The following KPNA1 variants were observed in gnomAD, a reference collection of about 807,000 sequenced individuals.
The protein encoded by KPNA1 is importin subunit alpha-5.
A neutral mutation model predicts 70.5 loss-of-function variants in KPNA1; 10 were observed. The ratio of observed to expected loss-of-function variants is 0.14; its 90% CI spans 0.09 to 0.24. KPNA1 has a LOEUF of 0.24. Ranked by LOEUF, KPNA1 falls within the 10% of genes least tolerant of loss-of-function variation. KPNA1 has a pLI of 1.00. For missense variants in KPNA1, 397 were observed against 637.9 expected (o/e 0.62, Z 4.07); for synonymous variants, 192 against 221.9 (o/e 0.87, Z 1.20).
chr3:122,437,415 CTT>C, intron 10 of KPNA1, 120 bp from the exon 11 acceptor site: 1 of 672,196 alleles, frequency 1.5e-6, no homozygotes, highest in Non-Finnish European at 2.4e-6. Flanking sequence ...AAATAAGTAA[CTT>C]TATACAGGTA....
intron 2 of KPNA1, 87 bp downstream of exon 2, chr3:122,496,350 C>CACACACACACA: frequency 3.3e-5 from 19 of 569,536 alleles, no homozygotes; most frequent in East Asian, 6.3e-5. Context: ...ACACACACAC[C>CACACACACACA]CCAACTTTGC....
At chr3:122,509,609 G>T (rs759473330) in intron 1 of KPNA1, among the ~76,000 whole-genome samples, 3 of 152,002 alleles carry the variant, frequency 2.0e-5, no homozygotes, top group Non-Finnish European at 4.4e-5. Flanking sequence ...ACCTTTGCAA[G>T]GTCTATAACA....
At chr3:122,471,761 C>T (rs188967658) in intron 2 of KPNA1, among the ~76,000 whole-genome samples, 2 of 152,158 alleles carry the variant, frequency 1.3e-5, no homozygotes, top group Admixed American at 1.3e-4. Context: ...CGCCCCTGCA[C>T]TCCAGCCTGG....
intron 2 of KPNA1, among the ~76,000 whole-genome samples, chr3:122,475,913 T>C (rs900158220): frequency 6.6e-6 from 1 of 152,034 alleles, no homozygotes; most frequent in Non-Finnish European, 1.5e-5. Flanking sequence ...CATCTTCAAG[T>C]TGAGTAAGCT....
chr3:122,489,303 T>G (rs80007704), intron 2 of KPNA1, among the ~76,000 whole-genome samples: 35,418 of 151,426 alleles, frequency 0.23, 4,391 homozygotes, highest in Non-Finnish European at 0.27. Flanking sequence ...TTGTTTGTTT[T>G]TTTTTTAAGA....
At chr3:122,500,341 C>CA (rs1424595362) in intron 1 of KPNA1, among the ~76,000 whole-genome samples, 1 of 152,010 alleles carries the variant, frequency 6.6e-6, no homozygotes, top group African/African-American at 2.4e-5. Flanking sequence ...AGGCTGGACT[C>CA]AAACTCCTGA....
intron 10 of KPNA1, 115 bp from the exon 11 acceptor site, chr3:122,437,410 A>T: frequency 1.4e-6 from 1 of 726,158 alleles, no homozygotes; most frequent in South Asian, 2.3e-5. Context: ...TTTATAAATA[A>T]GTAACTTTAT....
intron 2 of KPNA1, among the ~76,000 whole-genome samples, chr3:122,480,770 T>C (rs1038677889): frequency 5.3e-5 from 8 of 151,856 alleles, no homozygotes; most frequent in African/African-American, 1.9e-4. Context: ...GAGGATCACT[T>C]GAGGCCAGGA....
At chr3:122,490,672 G>A (rs1333857954) in intron 2 of KPNA1, among the ~76,000 whole-genome samples, 1 of 152,094 alleles carries the variant, frequency 6.6e-6, no homozygotes, top group East Asian at 1.9e-4. Context: ...CAAGGAACCT[G>A]GTTCCTTTGA....
Position 122,453,860 on chromosome 3 carries a change from T to A in KPNA1, c.564+10A>T. ...TTTCTTTCACCTGCTTCTTTTTGTT[T>A]CATTTTTACCTGTTCCTGGACATCT... On this transcript the variant is annotated intron_variant, in intron 6 of 13. Transcript: ENST00000344337. 1 of 1,588,160 alleles carries A rather than the reference T, an allele frequency of 6.3e-7. No homozygotes were observed. Among genetic ancestry groups the A allele is most frequent in the East Asian group, 2.3e-5 (1 of 44,274 alleles).
chr3:122,496,742 C>T (rs773715124), intron 1 of KPNA1, 172 bp from the exon 2 acceptor site: 14 of 519,444 alleles, frequency 2.7e-5, no homozygotes, highest in Non-Finnish European at 4.4e-5. Flanking sequence ...TTGCTCTGTC[C>T]ACCCGGACTG....
intron 11 of KPNA1, among the ~76,000 whole-genome samples, chr3:122,434,073 A>T (rs779719837): frequency 1.1e-4 from 17 of 152,140 alleles, no homozygotes; most frequent in Middle Eastern, 6.8e-3. Flanking sequence ...GGTAGCTGGG[A>T]CTACAGGTGC....
chr3:122,422,991 T>C lies in KPNA1; in HGVS notation c.*3994A>G, dbSNP rs943796490. On this transcript the variant is annotated 3_prime_UTR_variant, in exon 14 of 14. Coordinates refer to ENST00000344337, the MANE Select transcript of KPNA1 (RefSeq NM_002264.4). ...TTTAAATTAGCATATAAATATTTGC[T>C]TTATCAGATATTCTGATGTCCTGGT... The C allele has an allele frequency of 1.3e-5, 2 of 152,238 alleles. No individual in the cohort carries two copies. The highest frequency in any genetic ancestry group is 4.8e-5 in the African/African-American group (2 of 41,450). The allele number at this position is 152,238 out of a possible 1,614,324, so 9.4% of individuals were successfully genotyped here. A position where few individuals can be genotyped will look rare whatever the true frequency, so the allele number is the denominator to read the frequency against.
At chr3:122,445,551 A>G (rs920253112) in intron 9 of KPNA1, among the ~76,000 whole-genome samples, 37 of 152,242 alleles carry the variant, frequency 2.4e-4, no homozygotes, top group Non-Finnish European at 4.4e-5. Context: ...AACCGGTACC[A>G]GCCACTGCAA....
chr3:122,481,907 T>G (rs1333966373), intron 2 of KPNA1, among the ~76,000 whole-genome samples: 1 of 152,260 alleles, frequency 6.6e-6, no homozygotes, highest in African/African-American at 2.4e-5. Context: ...TCATATGACA[T>G]TTTGGGCTCA....
intron 3 of KPNA1, among the ~76,000 whole-genome samples, chr3:122,465,474 A>C (rs966923253): frequency 5.9e-5 from 9 of 152,222 alleles, no homozygotes; most frequent in African/African-American, 1.9e-4. Context: ...TGAGAAACAG[A>C]GTGACTGTAT....
intron 4 of KPNA1, among the ~76,000 whole-genome samples, chr3:122,462,180 A>G (rs2076331307): frequency 6.6e-6 from 1 of 152,218 alleles, no homozygotes; most frequent in South Asian, 2.1e-4. Context: ...AGTTACAGAA[A>G]TAACACAGAA....
At chr3:122,476,957 T>G (rs1388893386) in intron 2 of KPNA1, among the ~76,000 whole-genome samples, 2 of 149,928 alleles carry the variant, frequency 1.3e-5, no homozygotes, top group Non-Finnish European at 2.9e-5. Flanking sequence ...GAAGTCAGTA[T>G]GTCAAAGAGA....
Position 122,514,911 on chromosome 3 carries a change from A to G in KPNA1, c.-160T>C, listed in dbSNP as rs1195725772. ...CTCCGCCGCCTCGCACCGAGCAGCG[A>G]GACTCAGCTCAGCCGGCGTTCGCAG... On this transcript the variant is annotated 5_prime_UTR_variant, in exon 1 of 14. Coordinates refer to ENST00000344337, the MANE Select transcript of KPNA1 (RefSeq NM_002264.4). 1 of 152,380 alleles carries G rather than the reference A, an allele frequency of 6.6e-6. No individual in the cohort carries two copies. The highest frequency in any genetic ancestry group is 1.9e-4 in the East Asian group (1 of 5,184). The allele number at this position is 152,380 out of a possible 1,614,324, so 9.4% of individuals were successfully genotyped here.
Sources: allele counts gnomAD v4.1 joint callset (sites outside exome capture counted in the v4.1 genomes callset), GRCh38; gene constraint gnomAD v4.1.1; transcripts MANE v1.5; gene names NCBI Gene and HGNC (gene_info 2026-07-23, HGNC 2026-07-21).